The following ANTXR1 variants were observed in gnomAD, a reference collection of about 807,000 sequenced individuals.
The protein encoded by ANTXR1 is ANTXR cell adhesion molecule 1.
ANTXR1 carries 19 observed loss-of-function variants against 78.1 expected under a neutral mutation model. The ratio of observed to expected loss-of-function variants is 0.24; its 90% CI spans 0.17 to 0.36. The LOEUF is 0.36. ANTXR1 is among the 10% of genes least tolerant of loss of function. ANTXR1 has a pLI of 1.00. For synonymous variants in ANTXR1, 273 were observed against 260.5 expected, an observed-to-expected ratio of 1.05 and a Z score of -0.46; for missense variants, 518 against 718.6, an observed-to-expected ratio of 0.72 and a Z score of 3.19.
chr2:69,178,424 A>C (rs1019530013), intron 14 of ANTXR1, among the ~76,000 whole-genome samples: 2 of 152,122 alleles, frequency 1.3e-5, no homozygotes, highest in African/African-American at 4.8e-5. Context: ...CAGCGTGTGG[A>C]GATTGCCCAA....
At chr2:69,123,538 T>C (rs938287615) in intron 11 of ANTXR1, among the ~76,000 whole-genome samples, 3 of 152,208 alleles carry the variant, frequency 2.0e-5, no homozygotes, top group Non-Finnish European at 4.4e-5. Context: ...AAAGGCCAAG[T>C]AGGGCCATGG....
chr2:69,080,118 T>G (rs1670855432), intron 8 of ANTXR1, among the ~76,000 whole-genome samples: 9 of 152,388 alleles, frequency 5.9e-5, no homozygotes, highest in Admixed American at 3.9e-4. Context: ...CTGTGAGTTA[T>G]GCTAGTGGTT....
chr2:69,191,576 C>G (rs1186295263), intron 16 of ANTXR1, among the ~76,000 whole-genome samples: 1 of 152,218 alleles, frequency 6.6e-6, no homozygotes, highest in Non-Finnish European at 1.5e-5. Context: ...CCCATACACA[C>G]TTAACTGAGA....
At chr2:69,132,776 A>T (rs1672790779) in intron 12 of ANTXR1, among the ~76,000 whole-genome samples, 1 of 152,186 alleles carries the variant, frequency 6.6e-6, no homozygotes, top group Non-Finnish European at 1.5e-5. Context: ...CTGGTAGCAA[A>T]TGGAGCCAAT....
At chr2:69,164,242 ACT>A (rs1673763795) in intron 13 of ANTXR1, among the ~76,000 whole-genome samples, 1 of 152,154 alleles carries the variant, frequency 6.6e-6, no homozygotes, top group South Asian at 2.1e-4. Flanking sequence ...CCAACCCGTG[ACT>A]CTGATTAGAT....
At chr2:69,084,728 G>GC (rs1046389461) in intron 8 of ANTXR1, among the ~76,000 whole-genome samples, 3 of 151,374 alleles carry the variant, frequency 2.0e-5, no homozygotes, top group African/African-American at 7.3e-5. Flanking sequence ...ACTGCACGTG[G>GC]CCATATTCCA....
intron 12 of ANTXR1, among the ~76,000 whole-genome samples, chr2:69,134,648 A>G (rs900289543): frequency 1.3e-5 from 2 of 152,320 alleles, no homozygotes; most frequent in South Asian, 2.1e-4. Context: ...TACCAGTCCT[A>G]TACAGTATCA....
intron 13 of ANTXR1, among the ~76,000 whole-genome samples, chr2:69,158,097 T>C (rs1001187284): frequency 6.6e-6 from 1 of 152,182 alleles, no homozygotes; most frequent in Admixed American, 6.5e-5. Context: ...TCTGTCTTCC[T>C]CTGTTAAGCT....
At chr2:69,150,987 A>G (rs1673375372) in intron 12 of ANTXR1, among the ~76,000 whole-genome samples, 1 of 152,158 alleles carries the variant, frequency 6.6e-6, no homozygotes, top group Admixed American at 6.5e-5. Flanking sequence ...TCACACCACT[A>G]CACTCCAACC....
intron 16 of ANTXR1, among the ~76,000 whole-genome samples, chr2:69,187,522 C>T (rs1674447462): frequency 6.7e-6 from 1 of 149,702 alleles, no homozygotes; most frequent in Non-Finnish European, 1.5e-5. Context: ...TGACGTTATC[C>T]GTTAAATCCA....
In ANTXR1 at chr2:69,181,829, T is replaced by C; in HGVS notation, c.1133T>C (p.Val378Ala). Residue 378 changes from valine (V) to alanine (A), a missense_variant, in exon 15 of 18, where the codon GTA becomes GCA. Physicochemically the swap from Val to Ala is moderately conservative, Grantham distance 64 (BLOSUM62 0). Transcript: ENST00000303714. ...DGLPKKKWPT[V>A]DASYYGGRGV... The stretch of plus-strand genomic sequence containing the variant: ...CTGCCTAAGAAAAAGTGGCCAACGG[T>C]AGACGCCTCTTATTATGGTGGGAGA... The C allele has an allele frequency of 6.2e-7, 1 of 1,614,132 alleles. No homozygotes were observed. The highest frequency in any genetic ancestry group is 8.5e-7 in the Non-Finnish European group (1 of 1,179,998).
In ANTXR1 at chr2:69,179,989, C is replaced by A. The variant is rs368402310; in HGVS notation, c.1090-1797C>A. Among the ~76,000 whole-genome samples, 21 of 152,220 alleles carry A rather than the reference C, an allele frequency of 1.4e-4. 1 individual carries two copies. The highest frequency in any genetic ancestry group is 4.8e-4 in the African/African-American group (20 of 41,534). Reference sequence around the variant, plus strand: ...AACCAAGTAAGAGAGAGAGAGACACCCAAGTGTCAGCTGTCAGAATGTTGT... The same window carrying A: ...AACCAAGTAAGAGAGAGAGAGACACACAAGTGTCAGCTGTCAGAATGTTGT... On this transcript the variant is annotated intron_variant, in intron 14 of 17. Coordinates refer to ENST00000303714, the MANE Select transcript of ANTXR1 (RefSeq NM_032208.3).
At chr2:69,135,349 A>C (rs376141116) in intron 12 of ANTXR1, among the ~76,000 whole-genome samples, 51 of 152,338 alleles carry the variant, frequency 3.3e-4, no homozygotes, top group African/African-American at 1.2e-3. Flanking sequence ...CACTGAGATA[A>C]GCCAATAGTA....
intron 13 of ANTXR1, among the ~76,000 whole-genome samples, chr2:69,157,374 G>A (rs766035784): frequency 2.6e-5 from 4 of 152,022 alleles, no homozygotes; most frequent in Non-Finnish European, 4.4e-5. Context: ...TACTTAATGT[G>A]TTTACCCATC....
intron 3 of ANTXR1, among the ~76,000 whole-genome samples, chr2:69,046,248 T>C (rs1669765116): frequency 6.6e-6 from 1 of 152,168 alleles, no homozygotes; most frequent in Admixed American, 6.6e-5. Context: ...AGAGACCAGG[T>C]TCACACATCA....
intron 12 of ANTXR1, chr2:69,145,312 T>A (rs1454706736): frequency 6.3e-7 from 1 of 1,579,926 alleles, no homozygotes; most frequent in East Asian, 2.3e-5. Flanking sequence ...ATTTTTATGT[T>A]CTCTTTCTTA....
At chr2:69,189,703 C>A (rs937787430) in intron 16 of ANTXR1, among the ~76,000 whole-genome samples, 1 of 152,066 alleles carries the variant, frequency 6.6e-6, no homozygotes, top group African/African-American at 2.4e-5. Flanking sequence ...TAACGAGACA[C>A]GGTTGATGTT....
intron 10 of ANTXR1, among the ~76,000 whole-genome samples, chr2:69,121,249 G>C (rs1176457738): frequency 6.6e-6 from 1 of 152,156 alleles, no homozygotes; most frequent in Non-Finnish European, 1.5e-5. Context: ...CACATTGCTT[G>C]GCACATGGTA....
Position 69,245,362 on chromosome 2 carries a change from G to GC in ANTXR1, c.1578dup (p.Ser527GlnfsTer56). 5.6e-6 allele frequency: 2 copies of GC among 357,228 alleles called. No individual in the cohort carries two copies. The highest frequency in any genetic ancestry group is 1.2e-4 in the East Asian group (1 of 8,100). 22.1% of individuals were successfully genotyped at this position (357,228 alleles called of 1,614,324 possible). Reference sequence around the variant, plus strand: ...CTCCTGCGCCCCACTGCCCTCCCCCGCCCCCCAGCGCCCCTACCCCTCCCA... The same window carrying GC: ...CTCCTGCGCCCCACTGCCCTCCCCCGCCCCCCCAGCGCCCCTACCCCTCCCA... On this transcript the variant is annotated frameshift_variant, in exon 18 of 18. Coordinates refer to ENST00000303714, the MANE Select transcript of ANTXR1 (RefSeq NM_032208.3). LOFTEE classifies it high-confidence loss of function.
Sources: allele counts gnomAD v4.1 joint callset (sites outside exome capture counted in the v4.1 genomes callset), GRCh38; gene constraint gnomAD v4.1.1; transcripts MANE v1.5; gene names NCBI Gene and HGNC (gene_info 2026-07-23, HGNC 2026-07-21).